Variants in SURF2 observed in about 807,000 individuals in gnomAD.
The protein encoded by SURF2 is surfeit locus protein 2.
In SURF2, 32 loss-of-function variants were observed where a neutral mutation model predicts 26.2. That is an observed-to-expected ratio of 1.22 (90% CI 0.92 to 1.64). SURF2 has a LOEUF of 1.64. Ranked by LOEUF, SURF2 falls within the 40% of genes most tolerant of loss-of-function variation. The pLI is 0.00. For missense variants in SURF2, 415 were observed against 341.6 expected, an observed-to-expected ratio of 1.21 and a Z score of -1.69; for synonymous variants, 173 against 139.1, an observed-to-expected ratio of 1.24 and a Z score of -1.71.
chr9:133,360,168 T>A (rs2130048512), intron 4 of SURF2, 39 bp downstream of exon 4: 1 of 1,590,858 alleles, frequency 6.3e-7, no homozygotes, highest in East Asian at 2.2e-5. Context: ...GACCCTCTAC[T>A]GTCAGCAGGG....
At position 133,357,051 on chromosome 9, in the gene SURF2, G is replaced by A. The variant is rs2130032520; in HGVS notation, c.216G>A (p.Val72=). Residue 72 remains valine, a synonymous_variant, in exon 2 of 6, where the codon GTG becomes GTA. Transcript: ENST00000371964. ...FDYAEFEPHI[V]PSTKNPHQLF... ...ATGCAGAGTTCGAGCCGCACATCGT[G>A]CCCAGCACCAAGAACCCGTAGGTGG... The A allele has an allele frequency of 6.3e-7, 1 of 1,580,868 alleles. No individual in the cohort carries two copies. Among genetic ancestry groups the A allele is most frequent in the South Asian group, 1.2e-5 (1 of 86,310 alleles).
chr9:133,356,902 A>T lies in SURF2; in HGVS notation c.79-12A>T, dbSNP rs1186754961. ...GGCCCTCCTGACGTCCTGCCCGCCC[A>T]CGCGTCCGCAGGTGAGGTGCATCCT... On this transcript the variant is annotated splice_polypyrimidine_tract_variant and intron_variant, in intron 1 of 5. Coordinates refer to ENST00000371964, the MANE Select transcript of SURF2 (RefSeq NM_017503.5). 2 of 1,542,792 alleles carry T rather than the reference A, an allele frequency of 1.3e-6. No homozygotes were observed. Among genetic ancestry groups the T allele is most frequent in the East Asian group, 4.9e-5 (2 of 40,928 alleles).
chr9:133,357,243 G>A, intron 2 of SURF2, 175 bp downstream of exon 2: 1 of 738,238 alleles, frequency 1.4e-6, no homozygotes, highest in Non-Finnish European at 2.1e-6. Flanking sequence ...TGGTGAGCTC[G>A]TTTGCTCACC....
chr9:133,358,232 T>G (rs1248705445), intron 3 of SURF2, among the ~76,000 whole-genome samples: 2 of 151,994 alleles, frequency 1.3e-5, no homozygotes, highest in African/African-American at 2.4e-5. Context: ...ATGTGTTGGC[T>G]GAGGTAGGCT....
chr9:133,360,505 A>G (rs2130052598), intron 5 of SURF2, 71 bp downstream of exon 5: 10 of 1,439,208 alleles, frequency 6.9e-6, no homozygotes, highest in Non-Finnish European at 9.1e-6. Flanking sequence ...TGTTTAAAAA[A>G]AGAAAACTGA....
At chr9:133,360,961 C>T (rs1045810832) in intron 5 of SURF2, 95 bp from the exon 6 acceptor site, 1 of 1,333,690 alleles carries the variant, frequency 7.5e-7, no homozygotes, top group South Asian at 1.2e-5. Flanking sequence ...ACCGACACCT[C>T]TGAGGCTGTG....
chr9:133,357,571 G>A, intron 2 of SURF2, 140 bp from the exon 3 acceptor site: 2 of 731,318 alleles, frequency 2.7e-6, no homozygotes, highest in Non-Finnish European at 4.5e-6. Flanking sequence ...CAGCTTCAGA[G>A]TGGAATTGCT....
chr9:133,357,819 G>A lies in SURF2; in HGVS notation c.337+5G>A, dbSNP rs2130037106. 6.2e-6 allele frequency: 10 copies of A among 1,612,934 alleles called. No homozygotes were observed. The highest frequency in any genetic ancestry group is 8.5e-6 in the Non-Finnish European group (10 of 1,179,852). On this transcript the variant is annotated splice_donor_5th_base_variant and intron_variant, in intron 3 of 5. Transcript: ENST00000371964. Reference sequence around the variant, plus strand: ...ACCAGCGAGCTCTGTGTAAATGTAAGTCCCAGTGGACCCCCATCAGTGCAT... The same window carrying A: ...ACCAGCGAGCTCTGTGTAAATGTAAATCCCAGTGGACCCCCATCAGTGCAT...
intron 5 of SURF2, 134 bp from the exon 6 acceptor site, chr9:133,360,922 G>C: frequency 1.1e-6 from 1 of 880,900 alleles, no homozygotes; most frequent in Non-Finnish European, 1.8e-6. Context: ...TAAGGAAACG[G>C]GGGTGGAGAA....
In SURF2 at chr9:133,360,020, G is replaced by C. The variant is rs2130046327; in HGVS notation, c.408G>C (p.Glu136Asp). The change falls in exon 4 of 6, where the codon GAG becomes GAC. Residue 136 changes from glutamate to aspartate, a missense_variant. Transcript: ENST00000371964. The stretch of plus-strand genomic sequence containing the variant: ...TGGTGCACCGGAGGAGGAGGAGGGA[G>C]GACCAGATGGACGGTGACGGGCCTC... Reference protein sequence around the residue: ...ACLVHRRRRREDQMDGDGPRP... With the variant: ...ACLVHRRRRRDDQMDGDGPRP... The C allele has an allele frequency of 6.2e-7, 1 of 1,614,086 alleles. No homozygotes were observed. The highest frequency in any genetic ancestry group is 1.3e-5 in the African/African-American group (1 of 75,052).
intron 2 of SURF2, 23 bp from the exon 3 acceptor site, chr9:133,357,688 A>G: frequency 1.2e-6 from 2 of 1,611,234 alleles, no homozygotes; most frequent in South Asian, 1.1e-5. Flanking sequence ...TGTCCCTACA[A>G]ATTTGGTCTC....
chr9:133,356,779 A>G (rs1836610833), intron 1 of SURF2, 109 bp downstream of exon 1: 6 of 1,177,738 alleles, frequency 5.1e-6, no homozygotes, highest in South Asian at 4.7e-5. Flanking sequence ...GAGAGGGGAG[A>G]GCAGGAGAGA....
Position 133,356,959 on chromosome 9 carries a change from G to T in SURF2, c.124G>T (p.Glu42Ter). 6.4e-7 allele frequency: 1 copy of T among 1,569,004 alleles called. No individual in the cohort carries two copies. The highest frequency in any genetic ancestry group is 1.2e-5 in the South Asian group (1 of 85,578). ...TCACGAGCTGCCCTGCCGCCTGCCGGAGCTCCAGGTCTACACCCGCGGCAA... is the reference window on the plus strand; with the variant it reads ...TCACGAGCTGCCCTGCCGCCTGCCGTAGCTCCAGGTCTACACCCGCGGCAA... ...TGHELPCRLP[E>*]LQVYTRGKKY... The change falls in exon 2 of 6, where the codon GAG becomes TAG. Residue 42 changes from glutamate to a stop codon, truncating the protein, a stop_gained. Transcript: ENST00000371964. LOFTEE classifies it high-confidence loss of function.
rs887981671 is a variant in SURF2 at position 133,360,847 on chromosome 9, G to A, written c.688-209G>A. On this transcript the variant is annotated intron_variant, in intron 5 of 5. Coordinates refer to ENST00000371964, the MANE Select transcript of SURF2 (RefSeq NM_017503.5). Reference sequence around the variant, plus strand: ...GGCCAAAAGAGGACAAGGTCCTAATGAGTGTGTGGCATTGCACTGTACTCC... The same window carrying A: ...GGCCAAAAGAGGACAAGGTCCTAATAAGTGTGTGGCATTGCACTGTACTCC... Among the ~76,000 whole-genome samples the A allele has an allele frequency of 3.9e-5, 6 of 152,258 alleles. No individual in the cohort carries two copies. The East Asian group carries it at 5.8e-4, about 15-fold the overall frequency.
At chr9:133,359,270 C>CA (rs2119094794) in intron 3 of SURF2, among the ~76,000 whole-genome samples, 1 of 152,218 alleles carries the variant, frequency 6.6e-6, no homozygotes, top group South Asian at 2.1e-4. Flanking sequence ...GGGTGGGTGG[C>CA]AGAGACAAGG....
chr9:133,357,703 C>A lies in SURF2; in HGVS notation c.234-8C>A. ...TGTCCCTACAAATTTGGTCTCTCTG[C>A]TCTGTAGGCACCAGTTGTTCTGCAA... On this transcript the variant is annotated splice_polypyrimidine_tract_variant and splice_region_variant and intron_variant, in intron 2 of 5. Coordinates refer to ENST00000371964, the MANE Select transcript of SURF2 (RefSeq NM_017503.5). The A allele has an allele frequency of 6.2e-7, 1 of 1,613,574 alleles. No homozygotes were observed. The highest frequency in any genetic ancestry group is 8.5e-7 in the Non-Finnish European group (1 of 1,179,864).
At position 133,356,995 on chromosome 9, in the gene SURF2, C is replaced by T. The variant is rs1008181794; in HGVS notation, c.160C>T (p.Arg54Trp). 4 of 1,568,624 alleles carry T rather than the reference C, an allele frequency of 2.6e-6. No individual in the cohort carries two copies. In the African/African-American group the frequency reaches 4.1e-5, roughly 16 times the overall value. Reference sequence around the variant, plus strand: ...CTACACCCGCGGCAAAAAGTACCAGCGGCTGGTCCGCGCCTCCCCGGCCTT... The same window carrying T: ...CTACACCCGCGGCAAAAAGTACCAGTGGCTGGTCCGCGCCTCCCCGGCCTT... ...QVYTRGKKYQ[R>W]LVRASPAFDY... is the part of the protein sequence containing the mutation. The change falls in exon 2 of 6, where the codon CGG becomes TGG. Residue 54 changes from arginine (R) to tryptophan (W), a missense_variant. By Grantham distance (101) the Arg-to-Trp change is moderately radical (BLOSUM62 -3). Transcript: ENST00000371964.
intron 2 of SURF2, 74 bp downstream of exon 2, chr9:133,357,142 GCAGCCCCTACTCTTTCA>G: frequency 7.1e-7 from 1 of 1,415,928 alleles, no homozygotes; most frequent in Non-Finnish European, 9.3e-7. Context: ...CGCCAGTGCT[GCAGCCCCTACTCTTTCA>G]GAGTTGGGAG....
chr9:133,361,010 A>G, intron 5 of SURF2, 46 bp from the exon 6 acceptor site: 1 of 1,606,748 alleles, frequency 6.2e-7, no homozygotes, highest in Non-Finnish European at 8.5e-7. Flanking sequence ...CCCCTTCTCC[A>G]TGGGATCAGA....
Sources: allele counts gnomAD v4.1 joint callset (sites outside exome capture counted in the v4.1 genomes callset), GRCh38; gene constraint gnomAD v4.1.1; transcripts MANE v1.5; gene names NCBI Gene and HGNC (gene_info 2026-07-23, HGNC 2026-07-21).